ADGRL3: variants seen among roughly 807,000 people sequenced by gnomAD.
ADGRL3 encodes the protein adhesion G protein-coupled receptor L3, also known as calcium-independent alpha-latrotoxin receptor 3.
Under a neutral mutation model 153.5 loss-of-function variants are expected in ADGRL3, and 62 were observed. The observed-to-expected ratio is 0.40, with a 90% CI of 0.33 to 0.50. ADGRL3 has a LOEUF of 0.50. ADGRL3 is among the 20% of genes least tolerant of loss of function. The pLI is 0.47. For missense variants in ADGRL3, 1,641 were observed against 1,859.4 expected, an observed-to-expected ratio of 0.88 and a Z score of 2.16; for synonymous variants, 710 against 672.5, an observed-to-expected ratio of 1.06 and a Z score of -0.86.
chr4:61,676,905 C>G lies in ADGRL3; in HGVS notation c.553C>G (p.Leu185Val). Residue 185 changes from leucine to valine, a missense_variant, in exon 6 of 27, where the codon CTT (leucine) becomes GTT (valine). This residue lies in a region of ADGRL3 where 213 missense variants were observed against 362.1 expected (regional missense o/e 0.59). Coordinates refer to ENST00000683033, the MANE Select transcript of ADGRL3 (RefSeq NM_001387552.1). Reference protein sequence around the residue: ...PDPCPGTYKYLEVQYECVPYK... With the variant: ...PDPCPGTYKYVEVQYECVPYK... ...CCCGTGTCCAGGAACCTATAAATAC[C>G]TTGAAGTGCAGTATGAATGTGTCCC... is the stretch of plus-strand genomic sequence containing the variant. 1 of 1,611,352 alleles carries G rather than the reference C, an allele frequency of 6.2e-7. No individual in the cohort carries two copies. Among genetic ancestry groups the G allele is most frequent in the Non-Finnish European group, 8.5e-7 (1 of 1,177,924 alleles).
intron 25 of ADGRL3, among the ~76,000 whole-genome samples, chr4:62,053,699 A>G (rs1475929864): frequency 6.6e-6 from 1 of 151,606 alleles, no homozygotes; most frequent in African/African-American, 2.4e-5. Flanking sequence ...CTTCTGTAAC[A>G]TTATCAAAAA....
chr4:61,321,615 A>G (rs758659474), intron 1 of ADGRL3, among the ~76,000 whole-genome samples: 14 of 151,318 alleles, frequency 9.3e-5, no homozygotes, highest in Non-Finnish European at 1.5e-4. Context: ...CTGAGGCTAT[A>G]TGGTGTAGCC....
chr4:61,687,859 C>T (rs1307593726), intron 6 of ADGRL3, among the ~76,000 whole-genome samples: 1 of 151,904 alleles, frequency 6.6e-6, no homozygotes, highest in African/African-American at 2.4e-5. Context: ...GAATTAAATA[C>T]ATATTTATTG....
chr4:61,494,639 A>G (rs1430355966), intron 2 of ADGRL3, among the ~76,000 whole-genome samples: 2 of 152,218 alleles, frequency 1.3e-5, no homozygotes, highest in Non-Finnish European at 1.5e-5. Flanking sequence ...AAATGTTGCC[A>G]TGATTCCTTT....
chr4:61,364,251 T>C (rs902169462), intron 1 of ADGRL3, among the ~76,000 whole-genome samples: 3 of 151,390 alleles, frequency 2.0e-5, no homozygotes, highest in Non-Finnish European at 2.9e-5. Flanking sequence ...GGGAATCGCT[T>C]GAACCTGGCA....
intron 6 of ADGRL3, among the ~76,000 whole-genome samples, chr4:61,720,820 T>C (rs1459097458): frequency 6.6e-6 from 1 of 152,224 alleles, no homozygotes; most frequent in Non-Finnish European, 1.5e-5. Context: ...ATATGAGTTG[T>C]TCTCATAATT....
At chr4:61,726,819 T>C (rs1041235986) in intron 6 of ADGRL3, among the ~76,000 whole-genome samples, 1 of 152,180 alleles carries the variant, frequency 6.6e-6, no homozygotes, top group Admixed American at 6.5e-5. Context: ...TTTTTTCTTA[T>C]AGATTACAGA....
At chr4:61,333,690 G>A (rs922306103) in intron 1 of ADGRL3, among the ~76,000 whole-genome samples, 1 of 151,778 alleles carries the variant, frequency 6.6e-6, no homozygotes, top group Non-Finnish European at 1.5e-5. Context: ...TTGAGCTCCT[G>A]GCCTCAAGCC....
At chr4:61,720,586 C>G (rs1445073193) in intron 6 of ADGRL3, among the ~76,000 whole-genome samples, 2 of 152,138 alleles carry the variant, frequency 1.3e-5, no homozygotes, top group African/African-American at 2.4e-5. Flanking sequence ...AGTATTTGCT[C>G]TTTAATCAGT....
At chr4:62,031,315 C>A in intron 22 of ADGRL3, 127 bp from the exon 23 acceptor site, 1 of 694,102 alleles carries the variant, frequency 1.4e-6, no homozygotes, top group Non-Finnish European at 2.3e-6. Flanking sequence ...CTTACACCAC[C>A]TGTCTTACAT....
chr4:62,051,605 C>G (rs1382213544), intron 25 of ADGRL3, among the ~76,000 whole-genome samples: 1 of 151,712 alleles, frequency 6.6e-6, no homozygotes, highest in Admixed American at 6.6e-5. Flanking sequence ...TCCAGTCTCT[C>G]ACAGCCAACT....
At chr4:61,735,790 G>T (rs1039279671) in intron 8 of ADGRL3, among the ~76,000 whole-genome samples, 2 of 151,768 alleles carry the variant, frequency 1.3e-5, no homozygotes, top group Admixed American at 1.3e-4. Flanking sequence ...TAGAATAATA[G>T]ATAGGTTAAA....
intron 6 of ADGRL3, among the ~76,000 whole-genome samples, chr4:61,715,947 TAAAA>T (rs59481591): frequency 1.1e-4 from 9 of 85,390 alleles, no homozygotes; most frequent in Admixed American, 4.0e-4. Context: ...GCCCTTAAAG[TAAAA>T]AAAAAAAAAA....
At chr4:61,679,702 T>C (rs953397756) in intron 6 of ADGRL3, among the ~76,000 whole-genome samples, 2 of 152,020 alleles carry the variant, frequency 1.3e-5, no homozygotes, top group Middle Eastern at 3.2e-3. Context: ...TGAAGTTCAG[T>C]AGATAAAGTG....
At chr4:61,598,337 A>G (rs1042085819) in intron 5 of ADGRL3, among the ~76,000 whole-genome samples, 5 of 152,354 alleles carry the variant, frequency 3.3e-5, no homozygotes, top group African/African-American at 1.2e-4. Context: ...TGTGAAGTAC[A>G]TAACATCTAA....
intron 23 of ADGRL3, among the ~76,000 whole-genome samples, chr4:62,031,958 C>CACAA (rs1722299377): frequency 3.0e-5 from 1 of 33,664 alleles, no homozygotes; most frequent in South Asian, 1.3e-3. Flanking sequence ...ATGAGTTATA[C>CACAA]ACACACACAC....
At chr4:62,020,537 T>A (rs1006174442) in intron 21 of ADGRL3, among the ~76,000 whole-genome samples, 1 of 152,160 alleles carries the variant, frequency 6.6e-6, no homozygotes, top group Non-Finnish European at 1.5e-5. Context: ...TCTTGAAGTG[T>A]TACTGACTAA....
intron 1 of ADGRL3, among the ~76,000 whole-genome samples, chr4:61,215,611 G>A (rs1033713550): frequency 3.0e-5 from 4 of 132,854 alleles, no homozygotes; most frequent in Admixed American, 2.8e-4. Context: ...GAGTGCAGTG[G>A]CCCGATCTCG....
intron 6 of ADGRL3, among the ~76,000 whole-genome samples, chr4:61,727,685 G>T (rs1561132987): frequency 6.6e-6 from 1 of 151,806 alleles, no homozygotes; most frequent in Non-Finnish European, 1.5e-5. Flanking sequence ...TTCTTCTTTT[G>T]CTCTCCAGTT....
Sources: allele counts gnomAD v4.1 joint callset (sites outside exome capture counted in the v4.1 genomes callset), GRCh38; gene constraint gnomAD v4.1.1; regional missense constraint gnomAD v4.1.1; transcripts MANE v1.5; gene names NCBI Gene and HGNC (gene_info 2026-07-23, HGNC 2026-07-21).